ACTR3C: variants seen among roughly 807,000 people sequenced by gnomAD.
ACTR3C encodes actin-related protein 3C.
ACTR3C carries 18 observed loss-of-function variants against 26.3 expected under a neutral mutation model. The observed-to-expected ratio is 0.68, with a 90% CI of 0.47 to 1.01. ACTR3C has a LOEUF of 1.01. ACTR3C is among the 50% of genes least tolerant of loss of function. ACTR3C has a pLI of 0.00. For synonymous variants in ACTR3C, 55 were observed against 94.5 expected (o/e 0.58, Z 2.42); for missense variants, 184 against 250.7 (o/e 0.73, Z 1.80).
At chr7:149,991,381 C>T in the ACTR3C span, among the ~76,000 whole-genome samples, 1 of 152,240 alleles carries the variant, frequency 6.6e-6, no homozygotes. Flanking sequence ...TTCAAAGGAC[C>T]TCAAACTGGG....
the ACTR3C span, among the ~76,000 whole-genome samples, chr7:149,909,010 G>C: frequency 2.6e-5 from 4 of 151,442 alleles, no homozygotes; most frequent in Non-Finnish European, 5.9e-5. Context: ...TCGAACTCCT[G>C]ACCTCAGCTG....
Position 150,274,838 on chromosome 7 carries a change from A to G in ACTR3C, c.564+9915T>C, listed in dbSNP as rs375730033. Among the ~76,000 whole-genome samples, 1 of 152,230 alleles carries G rather than the reference A, an allele frequency of 6.6e-6. No homozygotes were observed. The highest frequency in any genetic ancestry group is 1.9e-4 in the East Asian group (1 of 5,202). On this transcript the variant is annotated intron_variant, in intron 6 of 7. Coordinates refer to ENST00000683684, the MANE Select transcript of ACTR3C (RefSeq NM_001164458.2). This position sits in a 1 kb window ranked among gnomAD's most constrained non-coding sequence, Gnocchi z 4.1. ...TTCTAAAAAAAACACTTAATTCAGA[A>G]AACAAAGTGATCCCTTATCACTTTT...
chr7:150,043,056 C>T, the ACTR3C span, among the ~76,000 whole-genome samples: 1 of 151,812 alleles, frequency 6.6e-6, no homozygotes, highest in Non-Finnish European at 1.5e-5. Context: ...CAAAACCCCA[C>T]AGCTCCTAAG....
At chr7:150,067,334 C>T in the ACTR3C span, among the ~76,000 whole-genome samples, 1 of 152,142 alleles carries the variant, frequency 6.6e-6, no homozygotes, top group Non-Finnish European at 1.5e-5. Context: ...AATGCCAGTG[C>T]AGAGGGGCAA....
At chr7:150,031,952 T>C in the ACTR3C span, among the ~76,000 whole-genome samples, 2 of 152,330 alleles carry the variant, frequency 1.3e-5, no homozygotes, top group African/African-American at 2.4e-5. Flanking sequence ...CAGCCAGTGA[T>C]GGGAGGTGTC....
chr7:150,106,326 T>C, the ACTR3C span, among the ~76,000 whole-genome samples: 3 of 150,658 alleles, frequency 2.0e-5, no homozygotes, highest in Non-Finnish European at 4.4e-5. Flanking sequence ...CGTACTCCAC[T>C]ACTCCTTGAA....
intron 6 of ACTR3C, among the ~76,000 whole-genome samples, chr7:150,262,253 A>G (rs1283801731): frequency 6.6e-6 from 1 of 151,516 alleles, no homozygotes; most frequent in Non-Finnish European, 1.5e-5. Context: ...GCACAAGCTC[A>G]GAATTATCAA....
rs539043165 is a variant in ACTR3C, at chr7:150,261,213, C to T, written c.565-12159G>A. 7.6e-3 allele frequency among the ~76,000 whole-genome samples: 1,161 copies of T among 152,250 alleles called. 12 individuals are homozygous for T. The highest frequency in any genetic ancestry group is 0.027 in the African/African-American group (1,109 of 41,520). The stretch of plus-strand genomic sequence containing the variant: ...TCATAATTTCTGCTGGTGAGACCGT[C>T]ACAGGTATTGCTAATGCAACTGTGG... On this transcript the variant is annotated intron_variant, in intron 6 of 7. Transcript: ENST00000683684.
chr7:150,089,627 A>G, the ACTR3C span, among the ~76,000 whole-genome samples: 15 of 152,334 alleles, frequency 9.8e-5, no homozygotes, highest in South Asian at 2.7e-3. Flanking sequence ...GCACTCAACA[A>G]CATTCTCAAT....
the ACTR3C span, among the ~76,000 whole-genome samples, chr7:150,033,891 G>T: frequency 1.3e-5 from 2 of 150,570 alleles, no homozygotes; most frequent in Non-Finnish European, 3.0e-5. Context: ...GGGAAGAGGG[G>T]CTCGCTCTCA....
intron 6 of ACTR3C, among the ~76,000 whole-genome samples, chr7:150,272,361 A>T (rs1389310085): frequency 2.1e-5 from 3 of 139,608 alleles, no homozygotes; most frequent in Non-Finnish European, 4.5e-5. Context: ...GCTTGCTTGC[A>T]TCAAAGTAAA....
At chr7:150,270,562 C>T (rs1834369947) in intron 6 of ACTR3C, among the ~76,000 whole-genome samples, 1 of 151,080 alleles carries the variant, frequency 6.6e-6, no homozygotes. Flanking sequence ...ACCTGCAGAC[C>T]TCATGCTCAC....
chr7:150,050,354 A>G, the ACTR3C span, among the ~76,000 whole-genome samples: 6 of 152,262 alleles, frequency 3.9e-5, no homozygotes, highest in African/African-American at 1.4e-4. Context: ...ATGTGTGCAT[A>G]TTAATCATAG....
the ACTR3C span, among the ~76,000 whole-genome samples, chr7:150,198,515 G>A: frequency 6.9e-6 from 1 of 144,070 alleles, no homozygotes; most frequent in South Asian, 2.2e-4. Flanking sequence ...GGGATGTGAG[G>A]AGCGCCTCTG....
chr7:150,283,805 G>A (rs1217436937), intron 6 of ACTR3C, among the ~76,000 whole-genome samples: 1 of 150,666 alleles, frequency 6.6e-6, no homozygotes, highest in Admixed American at 6.6e-5. Flanking sequence ...CTGAGTCTGA[G>A]TAAGGCGAGT....
At chr7:149,998,887 C>A in the ACTR3C span, among the ~76,000 whole-genome samples, 4 of 150,564 alleles carry the variant, frequency 2.7e-5, no homozygotes, top group Non-Finnish European at 5.9e-5. Flanking sequence ...CTGTCTCCAC[C>A]AACCTCCCTC....
At chr7:150,258,029 G>A (rs545660433) in intron 6 of ACTR3C, among the ~76,000 whole-genome samples, 2 of 152,342 alleles carry the variant, frequency 1.3e-5, no homozygotes, top group South Asian at 2.1e-4. Flanking sequence ...GTGGCCCACA[G>A]GGACTTGAGG....
chr7:150,199,003 G>A, the ACTR3C span, among the ~76,000 whole-genome samples: 4 of 141,918 alleles, frequency 2.8e-5, no homozygotes, highest in South Asian at 2.2e-4. Context: ...CCCCCTGCCC[G>A]GCCAGCCGCC....
chr7:149,924,921 G>A, the ACTR3C span, among the ~76,000 whole-genome samples: 7,577 of 152,206 alleles, frequency 0.05, 650 homozygotes, highest in African/African-American at 0.17. Context: ...GAGCCACTGC[G>A]CCGGGCCCAG....
Sources: gnomAD v4.1 joint callset for allele counts (sites outside exome capture counted in the v4.1 genomes callset) on GRCh38, gnomAD v4.1.1 for gene constraint, Gnocchi (gnomAD v3.1) non-coding constraint, MANE v1.5 for transcripts, NCBI Gene and HGNC (gene_info 2026-07-23, HGNC 2026-07-21) for gene names.